Variants in PPIL4 observed in about 807,000 individuals in gnomAD.
PPIL4 encodes the protein peptidyl-prolyl cis-trans isomerase-like 4.
A neutral mutation model predicts 69.1 loss-of-function variants in PPIL4; 50 were observed. That is an observed-to-expected ratio of 0.72 (90% CI 0.58 to 0.92). The LOEUF (loss-of-function observed/expected upper bound fraction) is 0.92, where lower values mean the gene tolerates loss of function less well. Among genes scored for constraint, PPIL4 ranks in the 40% least tolerant of loss-of-function variants. The pLI is 0.00. For missense variants in PPIL4, 480 were observed against 587.9 expected (o/e 0.82, Z 1.90); for synonymous variants, 193 against 191.6 (o/e 1.01, Z -0.06).
chr6:149,522,776 C>A (rs1201120125), intron 9 of PPIL4, among the ~76,000 whole-genome samples: 1 of 152,080 alleles, frequency 6.6e-6, no homozygotes, highest in Non-Finnish European at 1.5e-5. Flanking sequence ...CCATGCCCAG[C>A]TAATTTTTGT....
chr6:149,511,643 A>G (rs1227441903), intron 12 of PPIL4, among the ~76,000 whole-genome samples: 1 of 152,094 alleles, frequency 6.6e-6, no homozygotes, highest in African/African-American at 2.4e-5. Context: ...CTTCACAATA[A>G]ATTTTCTTTG....
intron 11 of PPIL4, 87 bp from the exon 12 acceptor site, chr6:149,512,389 G>T: frequency 1.0e-6 from 1 of 972,506 alleles, no homozygotes; most frequent in Non-Finnish European, 1.5e-6. Context: ...GAGGTCATAA[G>T]GCTAAAAGTA....
At chr6:149,534,411 G>C (rs1777243198) in intron 6 of PPIL4, among the ~76,000 whole-genome samples, 1 of 152,118 alleles carries the variant, frequency 6.6e-6, no homozygotes, top group African/African-American at 2.4e-5. Context: ...TTGATGACAA[G>C]AAAAACACTT....
intron 1 of PPIL4, among the ~76,000 whole-genome samples, chr6:149,543,386 A>T (rs965365044): frequency 3.3e-5 from 5 of 152,186 alleles, no homozygotes; most frequent in African/African-American, 1.2e-4. Context: ...GTTTCTCAAA[A>T]TTTTTTCAAG....
chr6:149,533,559 C>T lies in PPIL4; in HGVS notation c.577G>A (p.Ala193Thr). The T allele has an allele frequency of 1.9e-6, 3 of 1,606,052 alleles. No individual in the cohort carries two copies. The highest frequency in any genetic ancestry group is 1.7e-5 in the Admixed American group (1 of 59,932). The part of the protein sequence containing the change: ...REQLDSGRIG[A>T]DEEIDDFKGR... ...TTGAAATCATCAATTTCTTCATCTG[C>T]TCCTATTCGACCACTCTGTTAAGAC... is the stretch of plus-strand genomic sequence containing the variant. The change falls in exon 7 of 13, where the codon GCA becomes ACA. Residue 193 changes from alanine (A) to threonine (T), a missense_variant. Physicochemically the swap from Ala to Thr is moderately conservative, Grantham distance 58. Transcript: ENST00000253329.
At chr6:149,524,393 A>G (rs1394674477) in intron 9 of PPIL4, among the ~76,000 whole-genome samples, 2 of 152,250 alleles carry the variant, frequency 1.3e-5, no homozygotes, top group African/African-American at 4.8e-5. Flanking sequence ...ATCTATTCTA[A>G]TACCCAAGTT....
In PPIL4 at chr6:149,541,417, T is replaced by C. The variant is rs1777360404; in HGVS notation, c.153A>G (p.Ile51Met). The change falls in exon 3 of 13, where the codon ATA becomes ATG. Residue 51 changes from isoleucine to methionine, a missense_variant. Transcript: ENST00000253329. ...LIHNVQRDFI[I>M]QTGDPTGTGR... ...CAGTCCCTGTAGGATCGCCAGTTTG[T>C]ATGATAAAATCCCTCTGTAATATGT... is the stretch of plus-strand genomic sequence containing the variant. 2 of 1,568,932 alleles carry C rather than the reference T, an allele frequency of 1.3e-6. No individual in the cohort carries two copies. Among genetic ancestry groups the C allele is most frequent in the Admixed American group, 1.7e-5 (1 of 57,398 alleles).
At chr6:149,520,968 G>A (rs547836760) in intron 10 of PPIL4, 92 bp downstream of exon 10, 27 of 680,880 alleles carry the variant, frequency 4.0e-5, no homozygotes, top group South Asian at 5.1e-5. Context: ...AACCAAGATC[G>A]TGCCACTGCA....
intron 1 of PPIL4, among the ~76,000 whole-genome samples, chr6:149,544,018 T>C (rs1249357491): frequency 6.6e-6 from 1 of 152,216 alleles, no homozygotes; most frequent in African/African-American, 2.4e-5. Flanking sequence ...ACATCTCCAG[T>C]CATATGCTTA....
chr6:149,528,343 C>T (rs889997550), intron 7 of PPIL4, among the ~76,000 whole-genome samples: 2 of 151,896 alleles, frequency 1.3e-5, no homozygotes, highest in African/African-American at 2.4e-5. Flanking sequence ...GAAGCACAAA[C>T]GAGAAAAAAA....
rs190694567 is a variant in PPIL4, at chr6:149,538,924, G to T, written c.321+2018C>A. ...TGCAGTGGTGCAAAGTCGGCTCACC[G>T]CAACCTCCACCTCCCAGGTTCAAGC... On this transcript the variant is annotated intron_variant, in intron 4 of 12. Coordinates refer to ENST00000253329, the MANE Select transcript of PPIL4 (RefSeq NM_139126.4). Among the ~76,000 whole-genome samples the T allele has an allele frequency of 2.2e-3, 329 of 151,824 alleles. 2 individuals carry two copies. The highest frequency in any genetic ancestry group is 4.0e-3 in the Non-Finnish European group (273 of 67,936).
intron 8 of PPIL4, 85 bp downstream of exon 8, chr6:149,526,567 C>T: frequency 7.5e-7 from 1 of 1,336,876 alleles, no homozygotes; most frequent in Admixed American, 2.1e-5. Flanking sequence ...CTAGAATTCA[C>T]AGAATCATCA....
chr6:149,527,706 T>C (rs551842586), intron 7 of PPIL4, among the ~76,000 whole-genome samples: 2 of 152,322 alleles, frequency 1.3e-5, no homozygotes, highest in East Asian at 3.9e-4. Flanking sequence ...GTCATTTCCT[T>C]GCATATCATC....
intron 9 of PPIL4, among the ~76,000 whole-genome samples, chr6:149,524,732 T>G (rs1307348453): frequency 2.0e-5 from 3 of 152,068 alleles, no homozygotes; most frequent in Admixed American, 6.6e-5. Context: ...AAACCCTGTC[T>G]CTACTAAAAA....
intron 11 of PPIL4, among the ~76,000 whole-genome samples, chr6:149,514,833 ATTTT>A (rs546149565): frequency 6.6e-6 from 1 of 150,394 alleles, no homozygotes; most frequent in African/African-American, 2.5e-5. Flanking sequence ...CAAAAACTGT[ATTTT>A]TTTTAATTTT....
At chr6:149,525,277 C>A in intron 8 of PPIL4, 68 bp from the exon 9 acceptor site, 8 of 749,434 alleles carry the variant, frequency 1.1e-5, no homozygotes, top group South Asian at 3.7e-5. Flanking sequence ...TCTCACTCTT[C>A]AAAACTGAAG....
At chr6:149,542,007 C>G (rs1279489824) in intron 1 of PPIL4, among the ~76,000 whole-genome samples, 3 of 151,374 alleles carry the variant, frequency 2.0e-5, no homozygotes, top group Admixed American at 6.6e-5. Context: ...GAGCAAGACT[C>G]TATCTCAAAA....
chr6:149,532,468 G>A (rs1365330279), intron 7 of PPIL4, among the ~76,000 whole-genome samples: 1 of 152,006 alleles, frequency 6.6e-6, no homozygotes. Flanking sequence ...TCTTGGTGTT[G>A]GGTGTTCAGA....
At chr6:149,543,719 C>T (rs1040932350) in intron 1 of PPIL4, among the ~76,000 whole-genome samples, 19 of 151,370 alleles carry the variant, frequency 1.3e-4, no homozygotes, top group African/African-American at 3.9e-4. Context: ...TTTAAAGAGA[C>T]GTTATATTTT....
Sources: gnomAD v4.1 joint callset for allele counts (sites outside exome capture counted in the v4.1 genomes callset) on GRCh38, gnomAD v4.1.1 for gene constraint, MANE v1.5 for transcripts, NCBI Gene and HGNC (gene_info 2026-07-23, HGNC 2026-07-21) for gene names.